The following SYTL2 variants were observed in gnomAD, a reference collection of about 807,000 sequenced individuals.
SYTL2 encodes synaptotagmin like 2.
SYTL2 carries 165 observed loss-of-function variants against 198.7 expected under a neutral mutation model. That is an observed-to-expected ratio of 0.83 (90% CI 0.73 to 0.94). SYTL2 has a LOEUF of 0.94. Ranked by LOEUF, SYTL2 falls within the 40% of genes least tolerant of loss-of-function variation. SYTL2 has a pLI of 0.00. For synonymous variants in SYTL2, 966 were observed against 917.7 expected, an observed-to-expected ratio of 1.05 and a Z score of -0.95; for missense variants, 2,835 against 2,582.8, an observed-to-expected ratio of 1.10 and a Z score of -2.12.
chr11:85,703,135 G>A (rs931825736), intron 16 of SYTL2, among the ~76,000 whole-genome samples: 1 of 152,122 alleles, frequency 6.6e-6, no homozygotes, highest in South Asian at 2.1e-4. Flanking sequence ...TAAGAGACAT[G>A]TTGGACAGAA....
intron 1 of SYTL2, among the ~76,000 whole-genome samples, chr11:85,793,152 G>A (rs541085416): frequency 2.0e-5 from 3 of 151,748 alleles, no homozygotes; most frequent in Non-Finnish European, 4.4e-5. Flanking sequence ...CCAGTAATGG[G>A]ATGGCTGGGT....
Position 85,721,044 on chromosome 11 carries a change from T to C in SYTL2, c.5327-85A>G, listed in dbSNP as rs966685095. ...ACATATGGACATAGAAATGGTAGGCTGAAAAGAGACATTATGCTATGAGTT... is the reference window on the plus strand; with the variant it reads ...ACATATGGACATAGAAATGGTAGGCCGAAAAGAGACATTATGCTATGAGTT... On this transcript the variant is annotated intron_variant, in intron 8 of 19. Coordinates refer to ENST00000359152, the MANE Select transcript of SYTL2 (RefSeq NM_206927.4). 7.7e-6 allele frequency: 6 copies of C among 782,524 alleles called. No individual in the cohort carries two copies. In the South Asian group the frequency reaches 9.8e-5, roughly 13 times the overall value. The allele number at this position is 782,524 out of a possible 1,614,324, so 48.5% of individuals were successfully genotyped here.
chr11:85,791,166 CAAAAAAAAAAAAAAAAAA>C (rs568061365), intron 1 of SYTL2, among the ~76,000 whole-genome samples: 2 of 39,516 alleles, frequency 5.1e-5, no homozygotes, highest in South Asian at 1.9e-3. Context: ...GAGTCTGCCT[CAAAAAAAAAAAAAAAAAA>C]AAAAAAAAAA....
chr11:85,778,509 G>T (rs184373077), intron 1 of SYTL2, among the ~76,000 whole-genome samples: 5 of 152,384 alleles, frequency 3.3e-5, no homozygotes, highest in Admixed American at 1.3e-4. Context: ...TTAGAAAGCA[G>T]AACCAGTTCT....
intron 14 of SYTL2, chr11:85,708,289 T>C (rs978373772): frequency 1.9e-5 from 5 of 258,730 alleles, no homozygotes; most frequent in Admixed American, 1.1e-4. Context: ...TCTTTTGAAA[T>C]AAATTAATCT....
intron 9 of SYTL2, among the ~76,000 whole-genome samples, 195 bp downstream of exon 9, chr11:85,720,663 T>C (rs1043507609): frequency 1.2e-4 from 18 of 152,328 alleles, no homozygotes; most frequent in African/African-American, 4.3e-4. Context: ...AAATGTAATA[T>C]ATTATTTTAT....
chr11:85,844,867 T>C, the SYTL2 span, among the ~76,000 whole-genome samples: 3 of 152,184 alleles, frequency 2.0e-5, no homozygotes, highest in Non-Finnish European at 4.4e-5. Context: ...TCTGTATGGC[T>C]CAGAGGACCC....
chr11:85,828,464 G>T, the SYTL2 span, among the ~76,000 whole-genome samples: 1 of 152,126 alleles, frequency 6.6e-6, no homozygotes, highest in Non-Finnish European at 1.5e-5. Flanking sequence ...TAGTAAACAG[G>T]TTTTTAATTA....
intron 1 of SYTL2, among the ~76,000 whole-genome samples, chr11:85,760,899 T>C (rs2092077335): frequency 6.6e-6 from 1 of 152,156 alleles, no homozygotes; most frequent in African/African-American, 2.4e-5. Flanking sequence ...ATTGGGTAGG[T>C]AGGAATCAGT....
intron 1 of SYTL2, among the ~76,000 whole-genome samples, chr11:85,775,130 T>A (rs1175018451): frequency 6.6e-6 from 1 of 152,226 alleles, no homozygotes; most frequent in Non-Finnish European, 1.5e-5. Context: ...CAAAGCCTTT[T>A]TAGAAACTAA....
chr11:85,805,987 T>C (rs912290301), intron 1 of SYTL2, among the ~76,000 whole-genome samples: 3 of 152,228 alleles, frequency 2.0e-5, no homozygotes, highest in South Asian at 2.1e-4. Context: ...GGATAACACA[T>C]AGGAAAGTGG....
intron 8 of SYTL2, among the ~76,000 whole-genome samples, chr11:85,723,775 A>AT (rs1186505110): frequency 1.3e-5 from 2 of 151,982 alleles, no homozygotes; most frequent in South Asian, 2.1e-4. Flanking sequence ...AATATAAATA[A>AT]TTTTTTTAAT....
chr11:85,839,678 C>T, the SYTL2 span, among the ~76,000 whole-genome samples: 1 of 152,360 alleles, frequency 6.6e-6, no homozygotes, highest in East Asian at 1.9e-4. Context: ...TTTATCCATT[C>T]ATCTGCTGGT....
intron 9 of SYTL2, 85 bp from the exon 10 acceptor site, chr11:85,718,928 A>C: frequency 6.4e-7 from 1 of 1,565,484 alleles, no homozygotes; most frequent in Non-Finnish European, 8.6e-7. Flanking sequence ...AAGCCCCCGG[A>C]GTTGGAAGCA....
chr11:85,734,288 C>T lies in SYTL2; in HGVS notation c.1041G>A (p.Gly347=), dbSNP rs374885999. The T allele has an allele frequency of 1.9e-6, 3 of 1,614,080 alleles. No homozygotes were observed. In the African/African-American group the frequency reaches 4.0e-5, roughly 22 times the overall value. ...CTCCTACTTCCCGACCATGGATTAG[C>T]CCAGGACTCTGTGGAAGCTCATCCT... ...AVKDELPQSP[G]LIHGREVGEF... Residue 347 remains glycine, a synonymous_variant, in exon 7 of 20, where the codon GGG becomes GGA. Coordinates refer to ENST00000359152, the MANE Select transcript of SYTL2 (RefSeq NM_206927.4).
intron 2 of SYTL2, among the ~76,000 whole-genome samples, chr11:85,749,799 A>G (rs1216164634): frequency 6.6e-6 from 1 of 152,216 alleles, no homozygotes; most frequent in Non-Finnish European, 1.5e-5. Flanking sequence ...TTCTCCTCCC[A>G]AAAGGACCAA....
chr11:85,801,943 T>G (rs1388523356), intron 1 of SYTL2, among the ~76,000 whole-genome samples: 3 of 150,796 alleles, frequency 2.0e-5, no homozygotes, highest in Non-Finnish European at 4.4e-5. Flanking sequence ...GCCTCCAGAG[T>G]AGCTGGGATT....
At chr11:85,809,308 C>G (rs1007805947) in intron 1 of SYTL2, among the ~76,000 whole-genome samples, 6 of 152,224 alleles carry the variant, frequency 3.9e-5, no homozygotes, top group African/African-American at 7.2e-5. Context: ...CTGCCCCACC[C>G]ACGCACTAGC....
chr11:85,789,340 GTATATATATATATATA>G (rs56956411), intron 1 of SYTL2, among the ~76,000 whole-genome samples: 33 of 62,518 alleles, frequency 5.3e-4, no homozygotes, highest in African/African-American at 1.8e-3. Context: ...GTGTGTGTGT[GTATATATATATATATA>G]TATATATATA....
Sources: allele counts gnomAD v4.1 joint callset (sites outside exome capture counted in the v4.1 genomes callset), GRCh38; gene constraint gnomAD v4.1.1; transcripts MANE v1.5; gene names NCBI Gene and HGNC (gene_info 2026-07-23, HGNC 2026-07-21).